The following ZBTB7C variants were observed in gnomAD, a reference collection of about 807,000 sequenced individuals.
ZBTB7C encodes zinc finger and BTB domain-containing protein 7C.
Under a neutral mutation model 25.7 loss-of-function variants are expected in ZBTB7C, and 8 were observed. That is an observed-to-expected ratio of 0.31 (90% confidence interval 0.18 to 0.56). The LOEUF (loss-of-function observed/expected upper bound fraction) is 0.56. Ranked by LOEUF, ZBTB7C falls within the 20% of genes least tolerant of loss-of-function variation. The probability of loss-of-function intolerance (pLI) is 0.91; values close to 1 mark genes in which losing one functional copy is unlikely to be tolerated. For missense variants in ZBTB7C, 824 were observed against 855.2 expected (o/e 0.96, Z 0.46); for synonymous variants, 394 against 369.0 (o/e 1.07, Z -0.78).
intron 3 of ZBTB7C, among the ~76,000 whole-genome samples, chr18:48,131,030 A>G (rs1386781081): frequency 6.6e-6 from 1 of 152,076 alleles, no homozygotes; most frequent in Admixed American, 6.5e-5. Flanking sequence ...CCGCCTCCCT[A>G]GTAGCTGGGA....
At chr18:48,095,548 A>T (rs1455910206) in intron 3 of ZBTB7C, among the ~76,000 whole-genome samples, 1 of 151,940 alleles carries the variant, frequency 6.6e-6, no homozygotes, top group Non-Finnish European at 1.5e-5. Flanking sequence ...CTCATCTCTA[A>T]TAAAAATACA....
intron 3 of ZBTB7C, among the ~76,000 whole-genome samples, chr18:48,085,317 T>A (rs2038153683): frequency 1.3e-5 from 2 of 152,152 alleles, no homozygotes; most frequent in Non-Finnish European, 2.9e-5. Context: ...CCAAGCATGT[T>A]TACCTTGTGG....
At chr18:48,239,863 A>T (rs2043477901) in intron 2 of ZBTB7C, among the ~76,000 whole-genome samples, 1 of 152,214 alleles carries the variant, frequency 6.6e-6, no homozygotes, top group African/African-American at 2.4e-5. Flanking sequence ...CAAACCAAGA[A>T]GAAATCTCTG....
intron 2 of ZBTB7C, among the ~76,000 whole-genome samples, chr18:48,220,282 G>A (rs1339783112): frequency 6.6e-6 from 1 of 152,214 alleles, no homozygotes; most frequent in African/African-American, 2.4e-5. Context: ...GGGGATGAAT[G>A]AGTGCAGCTC....
chr18:48,387,468 C>T (rs2047775492), intron 1 of ZBTB7C, among the ~76,000 whole-genome samples: 1 of 152,182 alleles, frequency 6.6e-6, no homozygotes. Flanking sequence ...ATCTGAAATC[C>T]ACAGATAGCT....
chr18:48,127,070 C>T (rs1398226588), intron 3 of ZBTB7C, among the ~76,000 whole-genome samples: 3 of 152,122 alleles, frequency 2.0e-5, no homozygotes, highest in African/African-American at 7.2e-5. Flanking sequence ...CACAACAGGC[C>T]AGGCACTGAT....
intron 1 of ZBTB7C, among the ~76,000 whole-genome samples, chr18:48,343,352 G>C (rs1191693227): frequency 1.3e-5 from 2 of 152,122 alleles, no homozygotes; most frequent in Non-Finnish European, 2.9e-5. Context: ...CATGAACAGT[G>C]AGAGGAATTT....
chr18:48,239,748 C>T (rs1226892915), intron 2 of ZBTB7C, among the ~76,000 whole-genome samples: 2 of 152,246 alleles, frequency 1.3e-5, no homozygotes, highest in East Asian at 1.9e-4. Context: ...CCTCTGACAT[C>T]GTCTACCCAA....
chr18:48,304,390 C>T (rs2045618155), intron 2 of ZBTB7C, among the ~76,000 whole-genome samples: 1 of 152,138 alleles, frequency 6.6e-6, no homozygotes, highest in African/African-American at 2.4e-5. Flanking sequence ...AAAAAGATAG[C>T]CTTGGCCAGG....
At chr18:48,304,841 CAAAA>C (rs35398428) in intron 2 of ZBTB7C, among the ~76,000 whole-genome samples, 5 of 90,338 alleles carry the variant, frequency 5.5e-5, no homozygotes, top group African/African-American at 1.7e-4. Context: ...GGCTCTACCT[CAAAA>C]AAAAAAAAAA....
At chr18:48,300,793 C>T (rs908186452) in intron 2 of ZBTB7C, among the ~76,000 whole-genome samples, 1 of 152,218 alleles carries the variant, frequency 6.6e-6, no homozygotes, top group African/African-American at 2.4e-5. Context: ...GCAGGGCTGG[C>T]CAGGAGCACA....
At chr18:48,281,565 A>T (rs2144637318) in intron 2 of ZBTB7C, among the ~76,000 whole-genome samples, 1 of 152,322 alleles carries the variant, frequency 6.6e-6, no homozygotes, top group East Asian at 1.9e-4. Flanking sequence ...TACTCATCTG[A>T]CAAAGGGCTA....
At position 48,159,195 on chromosome 18, in the gene ZBTB7C, C is replaced by T. The variant is rs558562217; in HGVS notation, c.-17+26739G>A. On this transcript the variant is annotated intron_variant, in intron 3 of 4. Transcript: ENST00000590800. Reference sequence around the variant, plus strand: ...ATTTATTTTTTCCTTTTCTATTCCCCTTGTCCTAACACATAAAATACCTGC... The same window carrying T: ...ATTTATTTTTTCCTTTTCTATTCCCTTTGTCCTAACACATAAAATACCTGC... Among the ~76,000 whole-genome samples, 12 of 152,276 alleles carry T rather than the reference C, an allele frequency of 7.9e-5. No homozygotes were observed. The South Asian group carries it at 2.5e-3, about 32-fold the overall frequency.
intron 2 of ZBTB7C, among the ~76,000 whole-genome samples, chr18:48,253,025 T>C (rs925803559): frequency 3.3e-5 from 5 of 152,040 alleles, no homozygotes; most frequent in South Asian, 2.1e-4. Flanking sequence ...TATAGACCTA[T>C]AGAATAGAGA....
intron 3 of ZBTB7C, among the ~76,000 whole-genome samples, chr18:48,140,410 T>C (rs968841709): frequency 6.6e-6 from 1 of 152,330 alleles, no homozygotes; most frequent in East Asian, 1.9e-4. Flanking sequence ...ATAAGGAAAC[T>C]GGAGCTCAGA....
chr18:48,209,986 C>A (rs755219324), intron 2 of ZBTB7C, among the ~76,000 whole-genome samples: 1 of 152,048 alleles, frequency 6.6e-6, no homozygotes, highest in Non-Finnish European at 1.5e-5. Flanking sequence ...AAAAGATAAT[C>A]CAATATTTAA....
intron 3 of ZBTB7C, among the ~76,000 whole-genome samples, chr18:48,045,686 A>T (rs943603570): frequency 1.3e-5 from 2 of 152,066 alleles, no homozygotes; most frequent in Non-Finnish European, 2.9e-5. Flanking sequence ...CCATCCCTCA[A>T]TTCAGAGGCT....
intron 2 of ZBTB7C, among the ~76,000 whole-genome samples, chr18:48,281,471 C>A (rs201685581): frequency 3.3e-5 from 5 of 152,068 alleles, no homozygotes; most frequent in Admixed American, 3.3e-4. Flanking sequence ...GGATCTAATT[C>A]AACTAAAGAG....
At chr18:48,078,302 C>T (rs542746732) in intron 3 of ZBTB7C, among the ~76,000 whole-genome samples, 6 of 152,324 alleles carry the variant, frequency 3.9e-5, no homozygotes, top group South Asian at 4.1e-4. Flanking sequence ...CTAACATCTC[C>T]GAGACACACA....
Sources: gnomAD v4.1 joint callset for allele counts (sites outside exome capture counted in the v4.1 genomes callset) on GRCh38, gnomAD v4.1.1 for gene constraint, MANE v1.5 for transcripts, NCBI Gene and HGNC (gene_info 2026-07-23, HGNC 2026-07-21) for gene names.